TASOR2: variants seen among roughly 807,000 people sequenced by gnomAD.
The protein encoded by TASOR2 is protein TASOR 2.
A neutral mutation model predicts 199.5 loss-of-function variants in TASOR2; 84 were observed. That is an observed-to-expected ratio of 0.42 (90% CI 0.35 to 0.50). TASOR2 has a LOEUF of 0.50. Ranked by LOEUF, TASOR2 falls within the 20% of genes least tolerant of loss-of-function variation. The pLI, the probability that TASOR2 is intolerant of heterozygous loss-of-function variation, is 0.02. For synonymous variants in TASOR2, 1,103 were observed against 1,046.6 expected, an observed-to-expected ratio of 1.05 and a Z score of -1.04; for missense variants, 2,796 against 2,835.9, an observed-to-expected ratio of 0.99 and a Z score of 0.32.
In TASOR2 at chr10:5,685,060, A is replaced by T. The variant is rs897350658; in HGVS notation, c.-403A>T. ...GCGGAGCCGGCGACTGGTGCTTCCCACGTGCGCCGGTGTCGCGAGGGCCCG... is the reference window on the plus strand; with the variant it reads ...GCGGAGCCGGCGACTGGTGCTTCCCTCGTGCGCCGGTGTCGCGAGGGCCCG... On this transcript the variant is annotated 5_prime_UTR_variant, in exon 1 of 21. Coordinates refer to ENST00000328090, the Ensembl canonical transcript of TASOR2. This position sits in a 1 kb window ranked among gnomAD's most constrained non-coding sequence, Gnocchi z 5.4. The T allele has an allele frequency of 2.5e-6, 1 of 397,832 alleles. No individual in the cohort carries two copies. The highest frequency in any genetic ancestry group is 4.4e-6 in the Non-Finnish European group (1 of 225,586). The allele number at this position is 397,832 out of a possible 1,614,324, so 24.6% of individuals were successfully genotyped here. A position where few individuals can be genotyped will look rare whatever the true frequency, so the allele number is the denominator to read the frequency against.
chr10:5,718,691 G>A (rs61832748), intron 3 of TASOR2, among the ~76,000 whole-genome samples: 141 of 151,548 alleles, frequency 9.3e-4, no homozygotes, highest in Non-Finnish European at 1.6e-3. Context: ...CCTGGAAGGC[G>A]GAGGTTGCAG....
intron 14 of TASOR2, among the ~76,000 whole-genome samples, chr10:5,744,359 A>G (rs374709807): frequency 6.6e-6 from 1 of 152,120 alleles, no homozygotes; most frequent in African/African-American, 2.4e-5. Context: ...CTGGAGTACA[A>G]TGGCACGATC....
At position 5,752,464 on chromosome 10, in the gene TASOR2, G is replaced by T. The variant is rs1226096055; in HGVS notation, c.6606+2437G>T. Among the ~76,000 whole-genome samples the T allele has an allele frequency of 2.0e-5, 3 of 152,206 alleles. No individual in the cohort carries two copies. Among genetic ancestry groups the T allele is most frequent in the African/African-American group, 4.8e-5 (2 of 41,466 alleles). ...GGGGCCTGCAGGCCACGTGCAGGCC[G>T]TGTGTCGGCTCCACATGCCCACTGG... On this transcript the variant is annotated intron_variant, in intron 15 of 20. Transcript: ENST00000328090. The surrounding 1 kb of genome is among the most constrained non-coding windows in gnomAD (Gnocchi z 4.4).
rs1166487339 is a variant in TASOR2 at position 5,699,873 on chromosome 10, A to T, written c.-287-12950A>T. ...TGTACACAGTTTTAGGATACATGTG[A>T]TAATACAGTCATATAATTTGTAGAG... On this transcript the variant is annotated intron_variant, in intron 1 of 20. Transcript: ENST00000328090. The surrounding 1 kb of genome is among the most constrained non-coding windows in gnomAD (Gnocchi z 4.1). 2.7e-6 allele frequency: 1 copy of T among 372,004 alleles called. No individual in the cohort carries two copies. The highest frequency in any genetic ancestry group is 6.4e-5 in the Admixed American group (1 of 15,516). 23.0% of individuals were successfully genotyped at this position (372,004 alleles called of 1,614,324 possible). A position where few individuals can be genotyped will look rare whatever the true frequency, so the allele number is the denominator to read the frequency against.
rs775927115 is a variant in TASOR2, at chr10:5,752,320, G to A, written c.6606+2293G>A. On this transcript the variant is annotated intron_variant, in intron 15 of 20. Transcript: ENST00000328090. The surrounding 1 kb of genome is among the most constrained non-coding windows in gnomAD (Gnocchi z 4.4). ...CAGGTGCCACGAGGACGCATTGAGG[G>A]TGATTGGCCTGGCCGGGGAGGTCTT... Among the ~76,000 whole-genome samples the A allele has an allele frequency of 2.6e-5, 4 of 152,240 alleles. No homozygotes were observed. The highest frequency in any genetic ancestry group is 5.9e-5 in the Non-Finnish European group (4 of 68,034).
In TASOR2 at chr10:5,749,973, C is replaced by T. The variant is rs1289449640; in HGVS notation, c.6552C>T (p.Thr2184=). 3.7e-6 allele frequency: 6 copies of T among 1,613,642 alleles called. No homozygotes were observed. The South Asian group carries it at 6.6e-5, about 18-fold the overall frequency. Residue 2184 remains threonine, a synonymous_variant, in exon 15 of 21, where the codon ACC becomes ACT. Transcript: ENST00000328090. ...TTGTGAAAGAGGCTTGTAAAAGTAC[C>T]TTCCTGTTCTACCTTGTCGAAACAG... is the stretch of plus-strand genomic sequence containing the variant.
Position 5,710,440 on chromosome 10 carries a change from A to G in TASOR2, c.-287-2383A>G, listed in dbSNP as rs10752069. On this transcript the variant is annotated intron_variant, in intron 1 of 20. Transcript: ENST00000328090. This position sits in a 1 kb window ranked among gnomAD's most constrained non-coding sequence, Gnocchi z 4.6. ...GGAAATAAAAATATATATAAGCAAA[A>G]AATAATTTGGTACTTGTTCCTCCTC... Among the ~76,000 whole-genome samples, 83,174 of 151,876 alleles carry G rather than the reference A, an allele frequency of 0.55. 23,406 individuals are homozygous for G. The highest frequency in any genetic ancestry group is 0.66 in the Middle Eastern group (195 of 294).
chr10:5,700,371 G>C (rs928436668), intron 1 of TASOR2, among the ~76,000 whole-genome samples: 17 of 152,148 alleles, frequency 1.1e-4, no homozygotes, highest in African/African-American at 3.9e-4. Context: ...TTTGGCTGTT[G>C]TGAATAGTGT....
At chr10:5,733,189 T>G (rs1345813948) in intron 11 of TASOR2, among the ~76,000 whole-genome samples, 1 of 152,178 alleles carries the variant, frequency 6.6e-6, no homozygotes, top group Non-Finnish European at 1.5e-5. Context: ...TGTAATACAG[T>G]CTGATACCTT....
chr10:5,712,408 T>G (rs1387655141), intron 1 of TASOR2: 41 of 1,231,510 alleles, frequency 3.3e-5, no homozygotes, highest in Non-Finnish European at 3.9e-5. Context: ...TGAGACAGTG[T>G]CCTTGAGTTC....
exon 17 of TASOR2, chr10:5,757,607 C>G (rs1465060038): frequency 1.2e-6 from 2 of 1,613,676 alleles, no homozygotes; most frequent in Non-Finnish European, 1.7e-6. Flanking sequence ...TCACACCTAC[C>G]AAGAACTGTT....
intron 18 of TASOR2, 42 bp downstream of exon 19, chr10:5,759,034 G>C: frequency 1.4e-6 from 2 of 1,445,690 alleles, no homozygotes; most frequent in Non-Finnish European, 1.9e-6. Flanking sequence ...GCCCTGCTGG[G>C]GTAGCAGAGA....
At chr10:5,726,829 G>A in intron 8 of TASOR2, 56 bp from the exon 10 acceptor site, 2 of 1,472,398 alleles carry the variant, frequency 1.4e-6, no homozygotes, top group East Asian at 2.3e-5. Flanking sequence ...TGGGTAGAGG[G>A]AGAAGAGAGG....
rs942626528 is a variant in TASOR2, at chr10:5,752,557, C to T, written c.6606+2530C>T. Among the ~76,000 whole-genome samples, 6 of 152,152 alleles carry T rather than the reference C, an allele frequency of 3.9e-5. No individual in the cohort carries two copies. The highest frequency in any genetic ancestry group is 2.1e-4 in the South Asian group (1 of 4,826). On this transcript the variant is annotated intron_variant, in intron 15 of 20. Transcript: ENST00000328090. The surrounding 1 kb of genome is among the most constrained non-coding windows in gnomAD (Gnocchi z 4.4). ...GCGCTAACTCCAGAATGTCACGTGG[C>T]GAGTCCATGGGGGCTGGATTACTGA... is the stretch of plus-strand genomic sequence containing the variant.
exon 21 of TASOR2, chr10:5,763,546 GGT>G (rs1283696880): frequency 6.6e-6 from 1 of 151,654 alleles, no homozygotes; most frequent in Non-Finnish European, 1.5e-5. Context: ...TTTCACTTAC[GGT>G]ATTTGTAAAT....
chr10:5,730,600 C>T lies in TASOR2; in HGVS notation c.601C>T (p.His201Tyr), dbSNP rs754827623. The T allele has an allele frequency of 3.7e-6, 6 of 1,614,002 alleles. No individual in the cohort carries two copies. Among genetic ancestry groups the T allele is most frequent in the Middle Eastern group, 1.6e-4 (1 of 6,084 alleles). Residue 201 changes from histidine (H) to tyrosine (Y), a missense_variant, in exon 11 of 21, where the codon CAT becomes TAT. Around this residue, in one of 3 missense-constraint regions of TASOR2, gnomAD observed 847 missense variants for 887.4 expected, o/e 0.95. Coordinates refer to ENST00000328090, the Ensembl canonical transcript of TASOR2. The surrounding 1 kb of genome is among the most constrained non-coding windows in gnomAD (Gnocchi z 4.1). Reference sequence around the variant, plus strand: ...GAAATCACTTCCTGAAGAAAGAATCCATCCAAACACATTAGTAAAGCGTCA... The same window carrying T: ...GAAATCACTTCCTGAAGAAAGAATCTATCCAAACACATTAGTAAAGCGTCA...
chr10:5,715,414 A>G (rs1358703382), intron 2 of TASOR2, among the ~76,000 whole-genome samples: 1 of 152,158 alleles, frequency 6.6e-6, no homozygotes, highest in Admixed American at 6.5e-5. Context: ...TGCTCTAGGC[A>G]ACCACCAGTC....
chr10:5,707,789 T>C (rs1831311379), intron 1 of TASOR2, among the ~76,000 whole-genome samples: 1 of 143,544 alleles, frequency 7.0e-6, no homozygotes, highest in South Asian at 2.3e-4. Context: ...TTCTGAACCA[T>C]GGGATAACCT....
intron 2 of TASOR2, among the ~76,000 whole-genome samples, chr10:5,716,064 GT>G (rs1477151922): frequency 2.0e-5 from 3 of 152,166 alleles, no homozygotes; most frequent in African/African-American, 7.2e-5. Context: ...TGTACAGCAG[GT>G]TACTGTACGG....
Sources: allele counts gnomAD v4.1 joint callset (sites outside exome capture counted in the v4.1 genomes callset), GRCh38; gene constraint gnomAD v4.1.1; regional missense constraint gnomAD v4.1.1; non-coding constraint Gnocchi (gnomAD v3.1); transcripts MANE v1.5; gene names NCBI Gene and HGNC (gene_info 2026-07-23, HGNC 2026-07-21).